BLOC1S2: variants seen among roughly 807,000 people sequenced by gnomAD.
BLOC1S2 encodes the protein biogenesis of lysosome-related organelles complex 1 subunit 2.
In BLOC1S2, 12 loss-of-function variants were observed where a neutral mutation model predicts 19.6. The observed-to-expected ratio is 0.61, with a 90% CI of 0.39 to 0.99. BLOC1S2 has a LOEUF of 0.99. Among genes scored for constraint, BLOC1S2 ranks in the 50% least tolerant of loss-of-function variants. BLOC1S2 has a pLI of 0.00. For missense variants in BLOC1S2, 142 were observed against 171.0 expected, an observed-to-expected ratio of 0.83 and a Z score of 0.95; for synonymous variants, 66 against 64.1, an observed-to-expected ratio of 1.03 and a Z score of -0.14.
intron 4 of BLOC1S2, among the ~76,000 whole-genome samples, chr10:100,279,740 G>C (rs894571722): frequency 2.0e-5 from 3 of 152,092 alleles, no homozygotes; most frequent in Admixed American, 1.3e-4. Flanking sequence ...AGCCAGGCGT[G>C]GTGGCGCGCC....
At chr10:100,286,272 G>A in intron 1 of BLOC1S2, 59 bp from the exon 2 acceptor site, 6 of 1,571,336 alleles carry the variant, frequency 3.8e-6, no homozygotes, top group Non-Finnish European at 5.2e-6. Flanking sequence ...TCCAGCCAAA[G>A]CAGCCTGTTC....
intron 4 of BLOC1S2, among the ~76,000 whole-genome samples, chr10:100,276,887 C>T (rs28447125): frequency 1.5e-4 from 23 of 148,572 alleles, no homozygotes; most frequent in African/African-American, 4.7e-4. Flanking sequence ...CTTGGCCCCC[C>T]CAAAGTGCGG....
chr10:100,276,915 T>C (rs7915034), intron 4 of BLOC1S2, among the ~76,000 whole-genome samples: 366 of 131,410 alleles, frequency 2.8e-3, no homozygotes, highest in East Asian at 0.026. Context: ...AGCCTCTGCC[T>C]GGCCGCCACC....
chr10:100,286,455 T>A, intron 1 of BLOC1S2, 150 bp downstream of exon 1: 1 of 1,483,176 alleles, frequency 6.7e-7, no homozygotes, highest in Non-Finnish European at 9.0e-7. Context: ...CCAGTCACCC[T>A]GACAGGACAA....
chr10:100,279,374 T>A (rs1661982321), intron 4 of BLOC1S2, among the ~76,000 whole-genome samples: 1 of 152,226 alleles, frequency 6.6e-6, no homozygotes, highest in African/African-American at 2.4e-5. Context: ...CTGTACTGGC[T>A]TAGTGTCCTT....
At chr10:100,278,434 G>T (rs1195981193) in intron 4 of BLOC1S2, among the ~76,000 whole-genome samples, 4 of 152,222 alleles carry the variant, frequency 2.6e-5, no homozygotes, top group Non-Finnish European at 4.4e-5. Flanking sequence ...GATGGTTGCC[G>T]TGTCTGTGTA....
chr10:100,282,845 T>TA lies in BLOC1S2; in HGVS notation c.173-1793dup, dbSNP rs1467929653. ...GAAACCTAGGTACTTTAAGTGTTAC[T>TA]AAAAACAAATTAAGTGCACCATACA... On this transcript the variant is annotated intron_variant, in intron 2 of 4. Transcript: ENST00000370372. 7.5e-6 allele frequency: 3 copies of TA among 398,244 alleles called. No homozygotes were observed. In the Admixed American group the frequency reaches 1.3e-4, roughly 18 times the overall value. The allele number at this position is 398,244 out of a possible 1,614,324, so 24.7% of individuals were successfully genotyped here. A position where few individuals can be genotyped will look rare whatever the true frequency, so the allele number is the denominator to read the frequency against.
rs1443963017 is a variant in BLOC1S2 at position 100,281,740 on chromosome 10, ACACACT to A, written c.173-693_173-688del. Among the ~76,000 whole-genome samples the A allele has an allele frequency of 1.4e-4, 21 of 150,906 alleles. No homozygotes were observed. The East Asian group carries it at 3.5e-3, about 25-fold the overall frequency. On this transcript the variant is annotated intron_variant, in intron 2 of 4. Transcript: ENST00000370372. ...CACACACACACACACACACACACAC[ACACACT>A]ATCAGCTAGGACCTCACTACTTCTT... is the stretch of plus-strand genomic sequence containing the variant.
intron 2 of BLOC1S2, among the ~76,000 whole-genome samples, chr10:100,281,583 C>G (rs373966133): frequency 1.3e-5 from 2 of 151,510 alleles, no homozygotes; most frequent in Non-Finnish European, 2.9e-5. Context: ...ACTCGGGAGG[C>G]TGAGGCAGAG....
chr10:100,275,539 C>T (rs1402464015), intron 4 of BLOC1S2, 46 bp from the exon 5 acceptor site: 21 of 1,548,618 alleles, frequency 1.4e-5, no homozygotes, highest in Admixed American at 1.9e-5. Context: ...CTGGCTCTTA[C>T]AAAGACAGTT....
rs143625178 is a variant in BLOC1S2 at position 100,274,628 on chromosome 10, A to T, written c.*834T>A. 577 of 210,578 alleles carry T rather than the reference A, an allele frequency of 2.7e-3. 1 individual carries two copies. The highest frequency in any genetic ancestry group is 0.021 in the Middle Eastern group (13 of 618). 13.0% of individuals were successfully genotyped at this position (210,578 alleles called of 1,614,324 possible). A position where few individuals can be genotyped will look rare whatever the true frequency, so the allele number is the denominator to read the frequency against. On this transcript the variant is annotated 3_prime_UTR_variant, in exon 5 of 5. Transcript: ENST00000370372. The stretch of plus-strand genomic sequence containing the variant: ...GTCAGTCAGTATGTCCCATTGTCTG[A>T]TGTTTTTAGTGTGCAAAGAAGTCGA...
In BLOC1S2 at chr10:100,282,243, G is replaced by A. The variant is rs996134884; in HGVS notation, c.173-1190C>T. Among the ~76,000 whole-genome samples the A allele has an allele frequency of 2.6e-5, 4 of 152,116 alleles. No homozygotes were observed. In the East Asian group the frequency reaches 7.7e-4, roughly 29 times the overall value. On this transcript the variant is annotated intron_variant, in intron 2 of 4. Transcript: ENST00000370372. ...CTATTCTGCTACATCTATATCATTT[G>A]CTCAGTAAAGCAAAGGAGCTTCACT...
At chr10:100,276,938 T>C (rs1847895805) in intron 4 of BLOC1S2, among the ~76,000 whole-genome samples, 1 of 152,014 alleles carries the variant, frequency 6.6e-6, no homozygotes. Flanking sequence ...GTCTGGGAAG[T>C]GAGGAGTGTC....
chr10:100,279,927 C>T (rs530373858), intron 4 of BLOC1S2, 197 bp downstream of exon 4: 1 of 367,172 alleles, frequency 2.7e-6, no homozygotes, highest in South Asian at 1.1e-4. Flanking sequence ...ACATGTAAAG[C>T]ACTAAGAACA....
At position 100,274,830 on chromosome 10, in the gene BLOC1S2, T is replaced by A. The variant is rs148896290; in HGVS notation, c.*632A>T. 4.8e-5 allele frequency: 19 copies of A among 397,094 alleles called. No homozygotes were observed. Among genetic ancestry groups the A allele is most frequent in the Admixed American group, 1.8e-4 (4 of 22,704 alleles). 24.6% of individuals were successfully genotyped at this position (397,094 alleles called of 1,614,324 possible). On this transcript the variant is annotated 3_prime_UTR_variant, in exon 5 of 5. Coordinates refer to ENST00000370372, the MANE Select transcript of BLOC1S2 (RefSeq NM_173809.5). ...TGATCGCATGTCAATGTGACTCACA[T>A]AGAAAATAAACAAGAGGGGCCCATC...
chr10:100,278,764 A>G (rs1848017826), intron 4 of BLOC1S2, among the ~76,000 whole-genome samples: 1 of 150,970 alleles, frequency 6.6e-6, no homozygotes, highest in African/African-American at 2.4e-5. Flanking sequence ...GTGTCCTATG[A>G]CCCTGCCAAA....
Position 100,274,097 on chromosome 10 carries a change from AT to A in BLOC1S2, c.*1364del, listed in dbSNP as rs1419245635. 6.6e-6 allele frequency: 1 copy of A among 152,168 alleles called. No homozygotes were observed. The highest frequency in any genetic ancestry group is 1.5e-5 in the Non-Finnish European group (1 of 68,060). 9.4% of individuals were successfully genotyped at this position (152,168 alleles called of 1,614,324 possible). A position where few individuals can be genotyped will look rare whatever the true frequency, so the allele number is the denominator to read the frequency against. ...GACAACATAGTGAGACTCCATCTGT[AT>A]AAAAAATAATTAGCAAGGCATGGTG... is the stretch of plus-strand genomic sequence containing the variant. On this transcript the variant is annotated 3_prime_UTR_variant, in exon 5 of 5. Coordinates refer to ENST00000370372, the MANE Select transcript of BLOC1S2 (RefSeq NM_173809.5).
chr10:100,286,042 T>A, intron 2 of BLOC1S2, 55 bp downstream of exon 2: 1 of 1,597,366 alleles, frequency 6.3e-7, no homozygotes, highest in Non-Finnish European at 8.5e-7. Context: ...CTGCTAACCA[T>A]CTCCCAGGCC....
At chr10:100,281,604 A>G (rs546521388) in intron 2 of BLOC1S2, among the ~76,000 whole-genome samples, 44 of 151,728 alleles carry the variant, frequency 2.9e-4, no homozygotes, top group Non-Finnish European at 4.6e-4. Flanking sequence ...AATTGCTTGA[A>G]TCCAGGAGGC....
Sources: allele counts gnomAD v4.1 joint callset (sites outside exome capture counted in the v4.1 genomes callset), GRCh38; gene constraint gnomAD v4.1.1; transcripts MANE v1.5; gene names NCBI Gene and HGNC (gene_info 2026-07-23, HGNC 2026-07-21).